Variants in RYR1 observed in about 807,000 individuals in gnomAD.
The protein encoded by RYR1 is ryanodine receptor 1.
A neutral mutation model predicts 583.5 loss-of-function variants in RYR1; 342 were observed. That is an observed-to-expected ratio of 0.59 (90% CI 0.54 to 0.64). RYR1 has a LOEUF of 0.64. RYR1 is among the 30% of genes least tolerant of loss of function. RYR1 has a pLI of 0.00. For synonymous variants in RYR1, 2,791 were observed against 2,822.5 expected, an observed-to-expected ratio of 0.99 and a Z score of 0.35; for missense variants, 6,032 against 6,917.2, an observed-to-expected ratio of 0.87 and a Z score of 4.54.
At chr19:38,442,603 G>A in intron 3 of RYR1, 150 bp downstream of exon 3, 2 of 650,014 alleles carry the variant, frequency 3.1e-6, no homozygotes, top group Non-Finnish European at 5.6e-6. Flanking sequence ...CCCCCCACAG[G>A]CCCTCAATTT....
chr19:38,484,707 T>A (rs1364915600), intron 33 of RYR1, among the ~76,000 whole-genome samples: 1 of 152,062 alleles, frequency 6.6e-6, no homozygotes, highest in Admixed American at 6.6e-5. Flanking sequence ...TGGCTCATGT[T>A]TGTAATCTAA....
intron 12 of RYR1, among the ~76,000 whole-genome samples, chr19:38,452,106 T>C (rs1413527709): frequency 1.8e-5 from 2 of 109,976 alleles, no homozygotes; most frequent in Non-Finnish European, 3.4e-5. Context: ...CTGGGCAGCA[T>C]AGGGAGACCC....
chr19:38,474,169 TGTC>T (rs1968589021), intron 28 of RYR1, among the ~76,000 whole-genome samples: 1 of 152,218 alleles, frequency 6.6e-6, no homozygotes, highest in Non-Finnish European at 1.5e-5. Flanking sequence ...ATCCTTTCTG[TGTC>T]ACAAATGTAC....
Position 38,487,116 on chromosome 19 carries a change from A to G in RYR1, c.5547+914A>G, listed in dbSNP as rs764019046. Reference sequence around the variant, plus strand: ...TCTCCTCCCACCTATGCGTCCATCCATACCTACATCCACAGATCCATCCGT... The same window carrying G: ...TCTCCTCCCACCTATGCGTCCATCCGTACCTACATCCACAGATCCATCCGT... On this transcript the variant is annotated intron_variant, in intron 34 of 105. Coordinates refer to ENST00000359596, the MANE Select transcript of RYR1 (RefSeq NM_000540.3). 2.0e-5 allele frequency among the ~76,000 whole-genome samples: 3 copies of G among 151,938 alleles called. No homozygotes were observed. The South Asian group carries it at 6.2e-4, about 32-fold the overall frequency.
intron 30 of RYR1, 52 bp downstream of exon 30, chr19:38,477,922 A>C (rs1360687120): frequency 6.5e-7 from 1 of 1,543,798 alleles, no homozygotes; most frequent in South Asian, 1.1e-5. Flanking sequence ...GGCAGGAGGC[A>C]GTCAGAGCTC....
At chr19:38,471,858 C>G (rs959265120) in intron 27 of RYR1, among the ~76,000 whole-genome samples, 11 of 142,760 alleles carry the variant, frequency 7.7e-5, no homozygotes, top group African/African-American at 2.9e-4. Context: ...GCCAAGATTG[C>G]ACCATTGCAC....
At chr19:38,457,735 C>T in intron 17 of RYR1, 105 bp downstream of exon 17, 1 of 1,209,228 alleles carries the variant, frequency 8.3e-7, no homozygotes, top group Non-Finnish European at 1.2e-6. Context: ...TCTCCCACCC[C>T]AGGGTTAACA....
intron 56 of RYR1, 22 bp downstream of exon 56, chr19:38,506,568 C>G (rs1970460819): frequency 1.2e-6 from 2 of 1,612,506 alleles, no homozygotes; most frequent in South Asian, 1.1e-5. Flanking sequence ...CATGCCGCCC[C>G]CACGCTACCC....
chr19:38,488,108 C>A (rs186441649), intron 34 of RYR1, among the ~76,000 whole-genome samples: 35 of 152,230 alleles, frequency 2.3e-4, no homozygotes, highest in African/African-American at 7.5e-4. Flanking sequence ...TGAGCCACCA[C>A]ACCTGGCCCC....
chr19:38,463,102 T>G (rs1967853924), intron 20 of RYR1, among the ~76,000 whole-genome samples: 1 of 130,250 alleles, frequency 7.7e-6, no homozygotes. Flanking sequence ...TTCACCGTGT[T>G]GCCTAGGCTG....
Position 38,499,056 on chromosome 19 carries a change from A to G in RYR1, c.6892-52A>G. ...AGGGCAGGGCAGAGGGCTGAGCCCC[A>G]GGAGGAAGGTGGCATGGGTCTGGTC... On this transcript the variant is annotated intron_variant, in intron 42 of 105. Transcript: ENST00000359596. This position sits in a 1 kb window ranked among gnomAD's most constrained non-coding sequence, Gnocchi z 7.3. The G allele has an allele frequency of 1.9e-6, 3 of 1,607,826 alleles. No homozygotes were observed. The South Asian group carries it at 3.3e-5, about 18-fold the overall frequency.
chr19:38,477,984 G>A (rs1479336684), intron 30 of RYR1, 114 bp downstream of exon 30: 4 of 1,105,056 alleles, frequency 3.6e-6, no homozygotes, highest in Non-Finnish European at 5.3e-6. Context: ...ACTTTCTGGA[G>A]CGGGAGGATT....
At chr19:38,521,644 C>T (rs1971227983) in intron 67 of RYR1, among the ~76,000 whole-genome samples, 1 of 148,440 alleles carries the variant, frequency 6.7e-6, no homozygotes, top group Non-Finnish European at 1.5e-5. Context: ...TTGCAGTGAG[C>T]TGAGATCACA....
rs1369168337 is a variant in RYR1 at position 38,466,080 on chromosome 19, C to A, written c.2871-11C>A. 2 of 1,602,610 alleles carry A rather than the reference C, an allele frequency of 1.2e-6. No homozygotes were observed. The highest frequency in any genetic ancestry group is 1.3e-5 in the African/African-American group (1 of 74,642). On this transcript the variant is annotated splice_polypyrimidine_tract_variant and intron_variant, in intron 23 of 105. Coordinates refer to ENST00000359596, the MANE Select transcript of RYR1 (RefSeq NM_000540.3). ...AGGGCCTTGTCCCATGGAGCCCTAC[C>A]ATGCCCGCAGGTATATGATGAGCAA...
intron 47 of RYR1, 123 bp downstream of exon 47, chr19:38,501,113 C>A: frequency 1.1e-6 from 1 of 871,090 alleles, no homozygotes; most frequent in Non-Finnish European, 1.8e-6. Context: ...TCATAATCCC[C>A]AATACCATCA....
chr19:38,574,795 T>C (rs57231127), intron 96 of RYR1, among the ~76,000 whole-genome samples: 2,597 of 152,240 alleles, frequency 0.017, 65 homozygotes, highest in African/African-American at 0.056. Flanking sequence ...ATCCTAGCAC[T>C]TTGGGAGGCC....
Position 38,444,401 on chromosome 19 carries a change from C to A in RYR1, c.537+140C>A, listed in dbSNP as rs1972838656. ...TTTCCCATTTCCTGACCCCTGACAT[C>A]CAATTTTCTGATTTCTGACCTCCCA... On this transcript the variant is annotated intron_variant, in intron 6 of 105. Transcript: ENST00000359596. This position sits in a 1 kb window ranked among gnomAD's most constrained non-coding sequence, Gnocchi z 5.1. 1.1e-6 allele frequency: 1 copy of A among 871,026 alleles called. No individual in the cohort carries two copies. The highest frequency in any genetic ancestry group is 1.9e-6 in the Non-Finnish European group (1 of 528,370). The allele number at this position is 871,026 out of a possible 1,614,324, so 54.0% of individuals were successfully genotyped here.
In RYR1 at chr19:38,496,843, A is replaced by T; in HGVS notation, c.6797-17A>T. On this transcript the variant is annotated splice_polypyrimidine_tract_variant and intron_variant, in intron 41 of 105. Coordinates refer to ENST00000359596, the MANE Select transcript of RYR1 (RefSeq NM_000540.3). This position sits in a 1 kb window ranked among gnomAD's most constrained non-coding sequence, Gnocchi z 4.8. ...CAAGCAGGAGTGAGATGTTCTCCCC[A>T]CCTCTCGCCCCTGCAGGCATGCAGG... 2 of 1,608,372 alleles carry T rather than the reference A, an allele frequency of 1.2e-6. No homozygotes were observed. Among genetic ancestry groups the T allele is most frequent in the African/African-American group, 2.7e-5 (2 of 74,794 alleles).
At chr19:38,576,323 G>A (rs915895073) in intron 97 of RYR1, among the ~76,000 whole-genome samples, 1 of 152,076 alleles carries the variant, frequency 6.6e-6, no homozygotes, top group Non-Finnish European at 1.5e-5. Context: ...GGTACCGCAT[G>A]CCTGTAGTCC....
Sources: gnomAD v4.1 joint callset for allele counts (sites outside exome capture counted in the v4.1 genomes callset) on GRCh38, gnomAD v4.1.1 for gene constraint, Gnocchi (gnomAD v3.1) non-coding constraint, MANE v1.5 for transcripts, NCBI Gene and HGNC (gene_info 2026-07-23, HGNC 2026-07-21) for gene names.